Variants in ZFP62 observed in about 807,000 individuals in gnomAD.
ZFP62 encodes ZFP62 zinc finger protein.
In ZFP62, 44 loss-of-function variants were observed where a neutral mutation model predicts 56.4. The ratio of observed to expected loss-of-function variants is 0.78; its 90% CI spans 0.61 to 1.00. The LOEUF is 1.00. Among genes scored for constraint, ZFP62 ranks in the 50% least tolerant of loss-of-function variants. The pLI is 0.00. For missense variants in ZFP62, 1,030 were observed against 1,085.7 expected (o/e 0.95, Z 0.72); for synonymous variants, 421 against 388.9 (o/e 1.08, Z -0.97).
chr5:180,849,083 T>A lies in ZFP62; in HGVS notation c.2412A>T (p.Lys804Asn). 1 of 1,552,936 alleles carries A rather than the reference T, an allele frequency of 6.4e-7. No homozygotes were observed. Among genetic ancestry groups the A allele is most frequent in the South Asian group, 1.2e-5 (1 of 84,098 alleles). Reference sequence around the variant, plus strand: ...AGGGCTGCTTCCCCTGGTGGACACTTTTATGATTGATAAGACTTGAGTGTG... The same window carrying A: ...AGGGCTGCTTCCCCTGGTGGACACTATTATGATTGATAAGACTTGAGTGTG... ...YISHSSLINH[K>N]SVHQGKQPYN... The change falls in exon 2 of 2, where the codon AAA becomes AAT. Residue 804 changes from lysine to asparagine, a missense_variant. Lys to Asn is a moderately conservative substitution (Grantham distance 94). Coordinates refer to ENST00000502412, the MANE Select transcript of ZFP62 (RefSeq NM_001172638.2).
intron 1 of ZFP62, 21 bp from the exon 2 acceptor site, chr5:180,851,514 G>A (rs755246232): frequency 3.4e-5 from 51 of 1,506,522 alleles, no homozygotes; most frequent in Admixed American, 4.8e-5. Context: ...AAAATGAAAA[G>A]GACACCTATT....
At chr5:180,845,105 G>T (rs1317332686), downstream of ZFP62, among the ~76,000 whole-genome samples, 1 of 151,902 alleles carries the variant, frequency 6.6e-6, no homozygotes, top group Non-Finnish European at 1.5e-5. Flanking sequence ...TCTGAGGCTG[G>T]GCAGATTACT....
rs1472299033 is a variant in ZFP62 at position 180,849,828 on chromosome 5, G to T, written c.1667C>A (p.Thr556Asn). 6.4e-7 allele frequency: 1 copy of T among 1,551,924 alleles called. No individual in the cohort carries two copies. The highest frequency in any genetic ancestry group is 8.7e-7 in the Non-Finnish European group (1 of 1,147,064). The change falls in exon 2 of 2, where the codon ACT becomes AAT. Residue 556 changes from threonine to asparagine, a missense_variant. Transcript: ENST00000502412. ...TTCACATTTGTAAGGTCGTTCCCCA[G>T]TGTGGATTCGTTTATGTACTTTAAG... The part of the protein sequence containing the change: ...SGLKVHKRIH[T>N]GERPYKCEEC...
In ZFP62 at chr5:180,849,729, A is replaced by T; in HGVS notation, c.1766T>A (p.Phe589Tyr). ...GGCCTTCTCACACTCGTCACACTTAAAGGGCTTCTCCCCAGGGTGTACACT... is the reference window on the plus strand; with the variant it reads ...GGCCTTCTCACACTCGTCACACTTATAGGGCTTCTCCCCAGGGTGTACACT... ...HKSVHPGEKPFKCDECEKAFI... is the reference protein window; with the variant it reads ...HKSVHPGEKPYKCDECEKAFI... Residue 589 changes from phenylalanine (F) to tyrosine (Y), a missense_variant, in exon 2 of 2, where the codon TTT becomes TAT. Transcript: ENST00000502412. 6.4e-7 allele frequency: 1 copy of T among 1,551,290 alleles called. No individual in the cohort carries two copies. The highest frequency in any genetic ancestry group is 8.7e-7 in the Non-Finnish European group (1 of 1,146,956).
At chr5:180,860,453 C>G (rs1289618836) in intron 1 of ZFP62, 2 of 152,168 alleles carry the variant, frequency 1.3e-5, no homozygotes, top group Non-Finnish European at 2.9e-5. Flanking sequence ...CCCCAGTGAT[C>G]TTTTCCGTCC....
Position 180,849,253 on chromosome 5 carries a change from T to G in ZFP62, c.2242A>C (p.Lys748Gln). The change falls in exon 2 of 2, where the codon AAG (lysine) becomes CAG (glutamine). Residue 748 changes from lysine to glutamine, a missense_variant. Transcript: ENST00000502412. ...GGTTTCTCCCCTGTGTGGATCCTCT[T>G]GTGCTGAGAAAGGAGAGAGCTGTAA... is the stretch of plus-strand genomic sequence containing the variant. Reference protein sequence around the residue: ...FSYSSLLSQHKRIHTGEKPYV... With the variant: ...FSYSSLLSQHQRIHTGEKPYV... 1 of 1,556,394 alleles carries G rather than the reference T, an allele frequency of 6.4e-7. No individual in the cohort carries two copies. The highest frequency in any genetic ancestry group is 8.7e-7 in the Non-Finnish European group (1 of 1,149,778).
chr5:180,850,823 G>A lies in ZFP62; in HGVS notation c.672C>T (p.Asn224=). Residue 224 remains asparagine (N), a synonymous_variant, in exon 2 of 2, where the codon AAC becomes AAT. Transcript: ENST00000502412. ...NHKSTHSGEK[N]CKCDECGKSF... is the part of the protein sequence containing the mutation. ...ATTTTCCACATTCATCACATTTACA[G>A]TTCTTCTCCCCAGAATGGGTGCTTT... The A allele has an allele frequency of 1.9e-6, 3 of 1,568,546 alleles. No homozygotes were observed. Among genetic ancestry groups the A allele is most frequent in the Non-Finnish European group, 2.6e-6 (3 of 1,156,748 alleles).
At chr5:180,853,698 G>C (rs753569421) in intron 1 of ZFP62, among the ~76,000 whole-genome samples, 17 of 152,296 alleles carry the variant, frequency 1.1e-4, no homozygotes, top group Admixed American at 4.6e-4. Context: ...ATTTGACTAC[G>C]TAAGTACATT....
intron 1 of ZFP62, among the ~76,000 whole-genome samples, chr5:180,853,004 G>A (rs753013017): frequency 2.0e-4 from 31 of 152,314 alleles, no homozygotes; most frequent in Non-Finnish European, 4.0e-4. Context: ...AACTGGCACA[G>A]CCCCTTTTAA....
chr5:180,860,487 T>TCCCA (rs1252694730), intron 1 of ZFP62: 5 of 152,062 alleles, frequency 3.3e-5, no homozygotes, highest in African/African-American at 1.2e-4. Context: ...CCGCAGGCTG[T>TCCCA]CCCCTGGGTC....
chr5:180,841,989 T>A, the ZFP62 span, among the ~76,000 whole-genome samples: 1 of 152,180 alleles, frequency 6.6e-6, no homozygotes, highest in Admixed American at 6.5e-5. Flanking sequence ...GAGGTTGCTG[T>A]GAGCCCAGAT....
At chr5:180,827,397 C>T in the ZFP62 span, among the ~76,000 whole-genome samples, 3 of 152,050 alleles carry the variant, frequency 2.0e-5, no homozygotes, top group Non-Finnish European at 4.4e-5. Flanking sequence ...GTGACCTTAC[C>T]CCCAACCCTG....
Position 180,848,746 on chromosome 5 carries a change from G to C in ZFP62, c.*46C>G. On this transcript the variant is annotated 3_prime_UTR_variant, in exon 2 of 2. Coordinates refer to ENST00000502412, the MANE Select transcript of ZFP62 (RefSeq NM_001172638.2). ...CCCCCTACATTCTTACATTCATAAGGTATTTCTTCCATTTGAGTTCGGAGA... is the reference window on the plus strand; with the variant it reads ...CCCCCTACATTCTTACATTCATAAGCTATTTCTTCCATTTGAGTTCGGAGA... 9 of 1,466,096 alleles carry C rather than the reference G, an allele frequency of 6.1e-6. No homozygotes were observed. The highest frequency in any genetic ancestry group is 6.3e-6 in the Non-Finnish European group (7 of 1,106,236). 90.8% of individuals were successfully genotyped at this position (1,466,096 alleles called of 1,614,324 possible). A position where few individuals can be genotyped will look rare whatever the true frequency, so the allele number is the denominator to read the frequency against.
downstream of ZFP62, among the ~76,000 whole-genome samples, chr5:180,846,781 T>G (rs1226796354): frequency 2.4e-4 from 36 of 152,152 alleles, no homozygotes; most frequent in Admixed American, 2.4e-3. Flanking sequence ...CAGAATCTAC[T>G]CCTGCTGCCA....
intron 1 of ZFP62, among the ~76,000 whole-genome samples, chr5:180,854,588 G>C (rs536126808): frequency 5.9e-5 from 9 of 152,146 alleles, no homozygotes; most frequent in African/African-American, 2.2e-4. Flanking sequence ...TATTTACAAG[G>C]GGGAAAAATA....
chr5:180,860,632 A>G (rs2127380), intron 1 of ZFP62: 125,249 of 147,318 alleles, frequency 0.85, 53,287 homozygotes, highest in East Asian at 1. Context: ...GCTAGGACGC[A>G]CCTCCGGGGT....
the ZFP62 span, among the ~76,000 whole-genome samples, chr5:180,833,340 G>C: frequency 6.6e-6 from 1 of 151,948 alleles, no homozygotes; most frequent in Non-Finnish European, 1.5e-5. Flanking sequence ...TTAACCAGGT[G>C]TGGCAGCGGG....
chr5:180,860,614 A>T (rs1416481254), intron 1 of ZFP62: 1 of 150,520 alleles, frequency 6.6e-6, no homozygotes, highest in East Asian at 2.0e-4. Flanking sequence ...GCGCTTCCCC[A>T]GATGAGGGCT....
At chr5:180,841,786 G>T in the ZFP62 span, among the ~76,000 whole-genome samples, 1 of 152,328 alleles carries the variant, frequency 6.6e-6, no homozygotes, top group African/African-American at 2.4e-5. Flanking sequence ...CAGTGCTGTG[G>T]CTCATGCCTG....
Sources: gnomAD v4.1 joint callset for allele counts (sites outside exome capture counted in the v4.1 genomes callset) on GRCh38, gnomAD v4.1.1 for gene constraint, MANE v1.5 for transcripts, NCBI Gene and HGNC (gene_info 2026-07-23, HGNC 2026-07-21) for gene names.